SLC35G2: variants seen among roughly 807,000 people sequenced by gnomAD.
The protein encoded by SLC35G2 is solute carrier family 35 member G2.
Under a neutral mutation model 27.2 loss-of-function variants are expected in SLC35G2, and 20 were observed. That is an observed-to-expected ratio of 0.74 (90% confidence interval 0.52 to 1.07). SLC35G2 has a LOEUF of 1.07. Ranked by LOEUF, SLC35G2 falls within the 50% of genes least tolerant of loss-of-function variation. The pLI is 0.00. For missense variants in SLC35G2, 416 were observed against 493.3 expected, an observed-to-expected ratio of 0.84 and a Z score of 1.48; for synonymous variants, 148 against 165.3, an observed-to-expected ratio of 0.90 and a Z score of 0.80.
In SLC35G2 at chr3:136,844,154, T is replaced by C. The variant is rs189959486; in HGVS notation, c.-18-10289T>C. Among the ~76,000 whole-genome samples, 73 of 152,160 alleles carry C rather than the reference T, an allele frequency of 4.8e-4. 1 individual carries two copies. In the East Asian group the frequency reaches 0.013, roughly 28 times the overall value. On this transcript the variant is annotated intron_variant, in intron 1 of 1. Transcript: ENST00000446465. ...TTGCAGTGAGCCGAGATTTCGCCACTGCACTCCAGCCTGGCGACAGAGTGA... is the reference window on the plus strand; with the variant it reads ...TTGCAGTGAGCCGAGATTTCGCCACCGCACTCCAGCCTGGCGACAGAGTGA...
chr3:136,826,441 T>C (rs1936588538), intron 1 of SLC35G2, among the ~76,000 whole-genome samples: 1 of 152,158 alleles, frequency 6.6e-6, no homozygotes, highest in Non-Finnish European at 1.5e-5. Flanking sequence ...ACTTTGATCT[T>C]GTTACTTGTT....
chr3:136,855,517 T>C lies in SLC35G2; in HGVS notation c.1057T>C (p.Leu353=), dbSNP rs1352250632. The change falls in exon 2 of 2, where the codon TTG becomes CTG. Residue 353 remains leucine, a synonymous_variant. Coordinates refer to ENST00000446465, the MANE Select transcript of SLC35G2 (RefSeq NM_025246.3). The part of the protein sequence containing the change: ...HPALVSTVQH[L]EIVVAMVLQL... ...AGCTTTGGTTAGCACAGTACAACAT[T>C]TGGAGATTGTGGTAGCTATGGTCTT... The C allele has an allele frequency of 1.2e-6, 2 of 1,614,130 alleles. No homozygotes were observed. Among genetic ancestry groups the C allele is most frequent in the Admixed American group, 1.7e-5 (1 of 60,022 alleles).
chr3:136,832,454 G>C (rs989576150), intron 1 of SLC35G2, among the ~76,000 whole-genome samples: 2 of 152,162 alleles, frequency 1.3e-5, no homozygotes, highest in African/African-American at 4.8e-5. Flanking sequence ...CCCATATTCT[G>C]ATGTTAAAGC....
Position 136,855,346 on chromosome 3 carries a change from A to T in SLC35G2, c.886A>T (p.Thr296Ser). 6.2e-7 allele frequency: 1 copy of T among 1,614,204 alleles called. No homozygotes were observed. Among genetic ancestry groups the T allele is most frequent in the Non-Finnish European group, 8.5e-7 (1 of 1,180,028 alleles). Residue 296 changes from threonine (T) to serine (S), a missense_variant, in exon 2 of 2, where the codon ACA becomes TCA. Transcript: ENST00000446465. The stretch of plus-strand genomic sequence containing the variant: ...ACTGTTTACTTTTGGTTGGACTGGG[A>T]CAATTTGGGGAATATCTACTATGTT... ...TALFTFGWTG[T>S]IWGISTMFIL...
chr3:136,833,195 G>T (rs1936776757), intron 1 of SLC35G2, among the ~76,000 whole-genome samples: 1 of 152,116 alleles, frequency 6.6e-6, no homozygotes, highest in African/African-American at 2.4e-5. Context: ...TACAGTGGGA[G>T]AATTTAGATG....
chr3:136,840,884 A>G (rs1937062432), intron 1 of SLC35G2, among the ~76,000 whole-genome samples: 1 of 149,364 alleles, frequency 6.7e-6, no homozygotes, highest in Admixed American at 6.7e-5. Flanking sequence ...GAGCCTCCCA[A>G]AGTGCTGGGA....
chr3:136,847,361 G>A (rs559471884), intron 1 of SLC35G2, among the ~76,000 whole-genome samples: 1 of 152,284 alleles, frequency 6.6e-6, no homozygotes, highest in South Asian at 2.1e-4. Flanking sequence ...GTGTACTGAG[G>A]AGGCCCTCCA....
intron 1 of SLC35G2, among the ~76,000 whole-genome samples, chr3:136,840,234 C>G (rs1030772245): frequency 3.3e-5 from 5 of 152,194 alleles, no homozygotes; most frequent in African/African-American, 1.2e-4. Context: ...AGGTAGCCCT[C>G]TTTTAAGCTG....
At chr3:136,838,910 C>G (rs1366501563) in intron 1 of SLC35G2, 1 of 152,202 alleles carries the variant, frequency 6.6e-6, no homozygotes, top group Non-Finnish European at 1.5e-5. Flanking sequence ...CATATTGGAA[C>G]AGCCCAGTAA....
chr3:136,825,486 GCCC>G (rs111344111), intron 1 of SLC35G2, among the ~76,000 whole-genome samples: 2 of 151,818 alleles, frequency 1.3e-5, no homozygotes, highest in East Asian at 3.9e-4. Context: ...CAAGTGACCC[GCCC>G]CCTCAGCCTC....
At position 136,854,513 on chromosome 3, in the gene SLC35G2, A is replaced by G; in HGVS notation, c.53A>G (p.His18Arg). ...KYPVKKRVKIHPNTVMVKYTS... is the reference protein window; with the variant it reads ...KYPVKKRVKIRPNTVMVKYTS... ...CCAGTTAAAAAACGGGTGAAAATACATCCCAACACAGTGATGGTGAAATAT... is the reference window on the plus strand; with the variant it reads ...CCAGTTAAAAAACGGGTGAAAATACGTCCCAACACAGTGATGGTGAAATAT... The change falls in exon 2 of 2, where the codon CAT becomes CGT. Residue 18 changes from histidine to arginine, a missense_variant. Physicochemically the swap from His to Arg is conservative, Grantham distance 29. Transcript: ENST00000446465. 6.3e-7 allele frequency: 1 copy of G among 1,594,988 alleles called. No homozygotes were observed. The highest frequency in any genetic ancestry group is 8.5e-7 in the Non-Finnish European group (1 of 1,171,464).
At position 136,855,379 on chromosome 3, in the gene SLC35G2, C is replaced by G; in HGVS notation, c.919C>G (p.Gln307Glu). The change falls in exon 2 of 2, where the codon CAA (glutamine) becomes GAA (glutamate). Residue 307 changes from glutamine to glutamate, a missense_variant. By Grantham distance (29) the Gln-to-Glu change is conservative. Transcript: ENST00000446465. ...GGGAATATCTACTATGTTTATTCTT[C>G]AAGAACCCATCATCCCATTAGATGG... Reference protein sequence around the residue: ...IWGISTMFILQEPIIPLDGET... With the variant: ...IWGISTMFILEEPIIPLDGET... The G allele has an allele frequency of 6.2e-7, 1 of 1,614,148 alleles. No individual in the cohort carries two copies. Among genetic ancestry groups the G allele is most frequent in the Non-Finnish European group, 8.5e-7 (1 of 1,180,000 alleles).
chr3:136,826,963 C>T (rs1936599824), intron 1 of SLC35G2, among the ~76,000 whole-genome samples: 1 of 58,700 alleles, frequency 1.7e-5, no homozygotes, highest in South Asian at 7.7e-4. Context: ...TGGATCTTCT[C>T]TCTTTTTTCT....
chr3:136,843,503 G>A (rs1008024328), intron 1 of SLC35G2, among the ~76,000 whole-genome samples: 8 of 151,660 alleles, frequency 5.3e-5, no homozygotes, highest in South Asian at 2.1e-4. Flanking sequence ...AAAATTAGCC[G>A]GGTGTGGTGG....
chr3:136,837,304 C>G (rs1455751400), intron 1 of SLC35G2: 2 of 152,102 alleles, frequency 1.3e-5, no homozygotes, highest in Non-Finnish European at 2.9e-5. Context: ...TTCCTTCCAA[C>G]AGAAGGCACA....
At chr3:136,830,088 T>A (rs1310120468) in intron 1 of SLC35G2, among the ~76,000 whole-genome samples, 1 of 151,044 alleles carries the variant, frequency 6.6e-6, no homozygotes, top group East Asian at 1.9e-4. Context: ...CTAGATTTTT[T>A]AGACATACAT....
intron 1 of SLC35G2, chr3:136,841,621 C>G (rs1471636630): frequency 1.3e-5 from 2 of 152,202 alleles, no homozygotes; most frequent in African/African-American, 4.8e-5. Context: ...ATCTCAGCTA[C>G]TCAGGAGGCT....
At chr3:136,834,547 CTTG>C (rs759397051) in intron 1 of SLC35G2, among the ~76,000 whole-genome samples, 3 of 152,134 alleles carry the variant, frequency 2.0e-5, no homozygotes. Context: ...CCAGGCTGGT[CTTG>C]AACTCCTGAC....
intron 1 of SLC35G2, among the ~76,000 whole-genome samples, chr3:136,848,125 G>C (rs1937477386): frequency 1.3e-5 from 2 of 152,210 alleles, no homozygotes; most frequent in Non-Finnish European, 2.9e-5. Flanking sequence ...CTGAATTTAA[G>C]AAAGGCCTAA....
Sources: gnomAD v4.1 joint callset for allele counts (sites outside exome capture counted in the v4.1 genomes callset) on GRCh38, gnomAD v4.1.1 for gene constraint, MANE v1.5 for transcripts, NCBI Gene and HGNC (gene_info 2026-07-23, HGNC 2026-07-21) for gene names.